MAP3K14: variants seen among roughly 807,000 people sequenced by gnomAD.
The protein encoded by MAP3K14 is NF-kappa-beta-inducing kinase.
MAP3K14 carries 16 observed loss-of-function variants against 99.2 expected under a neutral mutation model. The observed-to-expected ratio is 0.16, with a 90% CI of 0.11 to 0.24. MAP3K14 has a LOEUF of 0.24. Among genes scored for constraint, MAP3K14 ranks in the 10% least tolerant of loss-of-function variants. The pLI, the probability that MAP3K14 is intolerant of heterozygous loss-of-function variation, is 1.00. For synonymous variants in MAP3K14, 462 were observed against 492.4 expected (o/e 0.94, Z 0.82); for missense variants, 784 against 1,208.7 (o/e 0.65, Z 5.21).
intron 6 of MAP3K14, among the ~76,000 whole-genome samples, chr17:45,277,398 C>T (rs1377334078): frequency 6.6e-6 from 1 of 152,154 alleles, no homozygotes; most frequent in African/African-American, 2.4e-5. Context: ...AGTAACAGAA[C>T]CAGCTTGGAA....
At chr17:45,309,994 G>A (rs1189402928) in intron 1 of MAP3K14, among the ~76,000 whole-genome samples, 1 of 150,706 alleles carries the variant, frequency 6.6e-6, no homozygotes, top group Admixed American at 6.6e-5. Flanking sequence ...AGTCTGGTGG[G>A]TCCAATCAAC....
intron 1 of MAP3K14, among the ~76,000 whole-genome samples, chr17:45,301,932 A>T (rs1168786707): frequency 6.6e-6 from 1 of 151,226 alleles, no homozygotes; most frequent in Non-Finnish European, 1.5e-5. Context: ...TCCCAGGCTT[A>T]AGTGATCCTC....
chr17:45,289,987 G>A (rs2044297726), intron 2 of MAP3K14, among the ~76,000 whole-genome samples: 1 of 152,212 alleles, frequency 6.6e-6, no homozygotes, highest in Non-Finnish European at 1.5e-5. Flanking sequence ...AGTAGAAGAA[G>A]AAAGGACCAG....
intron 6 of MAP3K14, among the ~76,000 whole-genome samples, chr17:45,276,849 G>T (rs1445028220): frequency 6.1e-4 from 33 of 53,990 alleles, no homozygotes; most frequent in African/African-American, 2.2e-3. Context: ...TTTTTTTTGA[G>T]ACAGAGTCTC....
At position 45,273,459 on chromosome 17, in the gene MAP3K14, G is replaced by A. The variant is rs142052708; in HGVS notation, c.1657+44C>T. On this transcript the variant is annotated intron_variant, in intron 9 of 15. Transcript: ENST00000344686. Reference sequence around the variant, plus strand: ...CTGGAAAGCATGGAAGGCATTTGGCGAATGAATGCATTGGGGGGCACGGCA... The same window carrying A: ...CTGGAAAGCATGGAAGGCATTTGGCAAATGAATGCATTGGGGGGCACGGCA... 114 of 1,442,772 alleles carry A rather than the reference G, an allele frequency of 7.9e-5. 1 individual carries two copies. The African/African-American group carries it at 1.3e-3, about 16-fold the overall frequency. 89.4% of individuals were successfully genotyped at this position (1,442,772 alleles called of 1,614,324 possible).
At position 45,287,276 on chromosome 17, in the gene MAP3K14, G is replaced by A. The variant is rs375425305; in HGVS notation, c.415C>T (p.Arg139Cys). The A allele has an allele frequency of 1.2e-5, 19 of 1,613,880 alleles. No individual in the cohort carries two copies. Among genetic ancestry groups the A allele is most frequent in the Non-Finnish European group, 1.4e-5 (17 of 1,179,900 alleles). The stretch of plus-strand genomic sequence containing the variant: ...TTCCGTTTCTTCCGGGCTTTGCTGC[G>A]ACGCTTTCCCTTCCAACACACACGG... ...MARVCWKGKR[R>C]SKARKKRKKK... is the part of the protein sequence containing the mutation. The change falls in exon 4 of 16, where the codon CGC (arginine) becomes TGC (cysteine). Residue 139 changes from arginine (R) to cysteine (C), a missense_variant. Arg to Cys is a radical substitution (Grantham distance 180). Coordinates refer to ENST00000344686, the MANE Select transcript of MAP3K14 (RefSeq NM_003954.5).
At chr17:45,270,735 A>G (rs2044136512) in intron 10 of MAP3K14, 172 bp from the exon 11 acceptor site, 1 of 992,670 alleles carries the variant, frequency 1.0e-6, no homozygotes, top group African/African-American at 1.6e-5. Context: ...GGAAAGGGAC[A>G]AATGGAGCCA....
intron 6 of MAP3K14, among the ~76,000 whole-genome samples, chr17:45,279,425 C>T (rs561916798): frequency 6.8e-6 from 1 of 147,104 alleles, no homozygotes; most frequent in Non-Finnish European, 1.5e-5. Context: ...CCACACCCAG[C>T]CTTCTTTGGT....
At chr17:45,298,356 AT>A (rs1213069290) in intron 1 of MAP3K14, among the ~76,000 whole-genome samples, 27 of 152,348 alleles carry the variant, frequency 1.8e-4, no homozygotes, top group Admixed American at 1.4e-3. Flanking sequence ...ATAAGGCAAA[AT>A]ATTAGCATGT....
intron 1 of MAP3K14, among the ~76,000 whole-genome samples, chr17:45,304,989 A>C (rs2143861929): frequency 6.6e-6 from 1 of 152,306 alleles, no homozygotes; most frequent in African/African-American, 2.4e-5. Flanking sequence ...TGCAGTGGGC[A>C]CTCTGGAAAC....
intron 6 of MAP3K14, 67 bp downstream of exon 6, chr17:45,284,745 G>A (rs1437327362): frequency 4.0e-6 from 6 of 1,507,296 alleles, no homozygotes; most frequent in Non-Finnish European, 5.3e-6. Context: ...TGGACAGAAA[G>A]CAGAGGGAAC....
intron 1 of MAP3K14, among the ~76,000 whole-genome samples, chr17:45,303,889 G>A (rs1255642350): frequency 1.3e-5 from 2 of 150,572 alleles, no homozygotes; most frequent in Non-Finnish European, 3.0e-5. Context: ...GCCTAGTTTG[G>A]GACTATTTTT....
chr17:45,284,498 T>C (rs1039006571), intron 6 of MAP3K14, among the ~76,000 whole-genome samples: 1 of 152,212 alleles, frequency 6.6e-6, no homozygotes, highest in Admixed American at 6.5e-5. Flanking sequence ...AGTGTGAATT[T>C]CATGACGCTC....
At chr17:45,266,397 G>T in intron 14 of MAP3K14, 140 bp downstream of exon 14, 1 of 1,116,558 alleles carries the variant, frequency 9.0e-7, no homozygotes. Flanking sequence ...TACTGGCCAG[G>T]AACCTCAAGT....
chr17:45,276,977 G>A (rs879447493), intron 6 of MAP3K14, among the ~76,000 whole-genome samples: 2 of 151,232 alleles, frequency 1.3e-5, no homozygotes, highest in Middle Eastern at 3.4e-3. Context: ...TTACAGGCAC[G>A]TGCCACCACA....
At chr17:45,312,254 G>T (rs1401717433) in intron 1 of MAP3K14, among the ~76,000 whole-genome samples, 1 of 152,190 alleles carries the variant, frequency 6.6e-6, no homozygotes, top group Admixed American at 6.5e-5. Flanking sequence ...ACCAGTTATG[G>T]AGCAAGGTCC....
chr17:45,313,134 T>G (rs2044497507), intron 1 of MAP3K14, among the ~76,000 whole-genome samples: 1 of 152,104 alleles, frequency 6.6e-6, no homozygotes, highest in African/African-American at 2.4e-5. Flanking sequence ...GCTGAAGCTT[T>G]TAGACTGAAG....
chr17:45,269,408 C>T (rs1486316928), intron 11 of MAP3K14, among the ~76,000 whole-genome samples: 1 of 152,156 alleles, frequency 6.6e-6, no homozygotes, highest in African/African-American at 2.4e-5. Context: ...TTATCTTTAA[C>T]CCCATTTCTG....
chr17:45,292,235 T>C (rs1598258725), intron 1 of MAP3K14, among the ~76,000 whole-genome samples: 1 of 149,920 alleles, frequency 6.7e-6, no homozygotes, highest in Middle Eastern at 3.5e-3. Flanking sequence ...CTGAGGAGGC[T>C]GAATGGGTGG....
Sources: gnomAD v4.1 joint callset for allele counts (sites outside exome capture counted in the v4.1 genomes callset) on GRCh38, gnomAD v4.1.1 for gene constraint, MANE v1.5 for transcripts, NCBI Gene and HGNC (gene_info 2026-07-23, HGNC 2026-07-21) for gene names.